Variants in TMEM167A observed in about 807,000 individuals in gnomAD.
The protein encoded by TMEM167A is protein kish-A.
TMEM167A carries 8 observed loss-of-function variants against 11.6 expected under a neutral mutation model. The observed-to-expected ratio is 0.69, with a 90% CI of 0.40 to 1.24. The LOEUF is 1.24. TMEM167A is among the 50% of genes most tolerant of loss of function. The pLI, the probability that TMEM167A is intolerant of heterozygous loss-of-function variation, is 0.01. For missense variants in TMEM167A, 62 were observed against 87.0 expected (o/e 0.71, Z 1.14); for synonymous variants, 22 against 28.0 (o/e 0.79, Z 0.67).
chr5:83,060,085 T>C (rs1053938714), intron 3 of TMEM167A, among the ~76,000 whole-genome samples: 2 of 151,940 alleles, frequency 1.3e-5, no homozygotes, highest in Admixed American at 1.3e-4. Flanking sequence ...AGTTTGTATT[T>C]TTCAATCTCA....
chr5:83,057,244 A>G, intron 3 of TMEM167A, 90 bp from the exon 4 acceptor site: 1 of 1,271,810 alleles, frequency 7.9e-7, no homozygotes, highest in South Asian at 1.2e-5. Flanking sequence ...TCAAGATAAC[A>G]TTCTTCCCTA....
chr5:83,064,353 A>T (rs1744450054), intron 2 of TMEM167A: 1 of 518,130 alleles, frequency 1.9e-6, no homozygotes, highest in Non-Finnish European at 3.9e-6. Context: ...TTGCTTTTGA[A>T]GAAGAATTTT....
chr5:83,071,079 G>A (rs1053299007), intron 1 of TMEM167A, among the ~76,000 whole-genome samples: 1 of 152,052 alleles, frequency 6.6e-6, no homozygotes, highest in Non-Finnish European at 1.5e-5. Context: ...CTTAATGACT[G>A]GTTATTAAGC....
In TMEM167A at chr5:83,077,392, T is replaced by A; in HGVS notation, c.-69A>T. ...CAGGCGGAAGAGGCTGCATGTCCCG[T>A]CTGCCCTTCTCGCCCTCTCCAGCCG... On this transcript the variant is annotated 5_prime_UTR_variant, in exon 1 of 4. Transcript: ENST00000502346. 6.2e-7 allele frequency: 1 copy of A among 1,611,946 alleles called. No homozygotes were observed. Among genetic ancestry groups the A allele is most frequent in the Non-Finnish European group, 8.5e-7 (1 of 1,178,094 alleles).
chr5:83,062,103 A>T (rs1169449982), intron 2 of TMEM167A, 192 bp from the exon 3 acceptor site: 2 of 516,654 alleles, frequency 3.9e-6, no homozygotes, highest in Non-Finnish European at 3.5e-6. Flanking sequence ...TGACATATCA[A>T]CCATCAATGT....
At chr5:83,062,020 A>G in intron 2 of TMEM167A, 109 bp from the exon 3 acceptor site, 2 of 877,236 alleles carry the variant, frequency 2.3e-6, no homozygotes, top group Non-Finnish European at 3.5e-6. Context: ...ATTAACCTTT[A>G]ACACTTTGCT....
chr5:83,066,307 G>A (rs1028943747), intron 1 of TMEM167A, among the ~76,000 whole-genome samples: 1 of 152,108 alleles, frequency 6.6e-6, no homozygotes, highest in African/African-American at 2.4e-5. Flanking sequence ...AATCAGGAAT[G>A]AAACAAAGAA....
intron 1 of TMEM167A, among the ~76,000 whole-genome samples, chr5:83,071,208 A>G (rs1744554318): frequency 6.6e-6 from 1 of 152,180 alleles, no homozygotes; most frequent in Admixed American, 6.5e-5. Context: ...TTTATACATA[A>G]CACTGTGTTG....
Position 83,064,439 on chromosome 5 carries a change from G to A in TMEM167A, c.113+569C>T, listed in dbSNP as rs76242114. The A allele has an allele frequency of 3.0e-3, 1,359 of 448,332 alleles. 36 individuals are homozygous for A. The East Asian group carries it at 0.073, about 24-fold the overall frequency. The allele number at this position is 448,332 out of a possible 1,614,324, so 27.8% of individuals were successfully genotyped here. ...AGATAAACACTTAAATATCTTAGAT[G>A]GACATTATGCATTATATTAGAATTC... On this transcript the variant is annotated intron_variant, in intron 2 of 3. Coordinates refer to ENST00000502346, the MANE Select transcript of TMEM167A (RefSeq NM_174909.5).
At chr5:83,062,392 A>T (rs1561302151) in intron 2 of TMEM167A, among the ~76,000 whole-genome samples, 1 of 152,186 alleles carries the variant, frequency 6.6e-6, no homozygotes, top group Non-Finnish European at 1.5e-5. Context: ...ATGAATTCCA[A>T]TGATGGTATT....
At chr5:83,073,631 G>C (rs1029703482) in intron 1 of TMEM167A, among the ~76,000 whole-genome samples, 13 of 152,204 alleles carry the variant, frequency 8.5e-5, no homozygotes, top group Non-Finnish European at 1.3e-4. Context: ...ACTCAAACTG[G>C]GAGAGTGTAG....
intron 1 of TMEM167A, among the ~76,000 whole-genome samples, chr5:83,068,403 T>C (rs1744513890): frequency 6.6e-6 from 1 of 152,222 alleles, no homozygotes; most frequent in South Asian, 2.1e-4. Flanking sequence ...TTATTACCTG[T>C]ATTTTATACA....
intron 1 of TMEM167A, among the ~76,000 whole-genome samples, chr5:83,070,470 C>T (rs868780124): frequency 6.6e-5 from 10 of 152,188 alleles, no homozygotes; most frequent in Middle Eastern, 3.4e-3. Flanking sequence ...TTACCCAAAC[C>T]GGAAGGATAT....
chr5:83,066,474 C>T (rs1744482713), intron 1 of TMEM167A, among the ~76,000 whole-genome samples: 1 of 152,094 alleles, frequency 6.6e-6, no homozygotes, highest in Admixed American at 6.6e-5. Flanking sequence ...CAATAGCCTT[C>T]ATAATCATAT....
intron 1 of TMEM167A, among the ~76,000 whole-genome samples, chr5:83,070,372 C>T (rs1744542498): frequency 6.6e-6 from 1 of 152,148 alleles, no homozygotes; most frequent in Non-Finnish European, 1.5e-5. Context: ...TTTACTAACC[C>T]TCTGCATTGT....
At chr5:83,062,681 T>TA (rs1198683954) in intron 2 of TMEM167A, among the ~76,000 whole-genome samples, 3 of 151,966 alleles carry the variant, frequency 2.0e-5, no homozygotes, top group Admixed American at 1.3e-4. Flanking sequence ...AGAGATATCT[T>TA]AAAAAATAAC....
chr5:83,062,502 C>A (rs1449339845), intron 2 of TMEM167A, among the ~76,000 whole-genome samples: 3 of 151,870 alleles, frequency 2.0e-5, no homozygotes, highest in East Asian at 3.9e-4. Context: ...TATGTGAATT[C>A]ACTAAATATG....
chr5:83,073,529 ATAGCTGGCTATTTGCTATTTCAGTTCAG>A (rs1451929643), intron 1 of TMEM167A, among the ~76,000 whole-genome samples: 3 of 152,224 alleles, frequency 2.0e-5, no homozygotes, highest in Non-Finnish European at 4.4e-5. Context: ...AACAAGTAAG[ATAGCTGGCTATTTGCTATTTCAGTTCAG>A]TGTTGACGGT....
At chr5:83,070,469 C>G (rs778640884) in intron 1 of TMEM167A, among the ~76,000 whole-genome samples, 4 of 152,220 alleles carry the variant, frequency 2.6e-5, no homozygotes, top group Non-Finnish European at 5.9e-5. Flanking sequence ...TTTACCCAAA[C>G]CGGAAGGATA....
Sources: allele counts gnomAD v4.1 joint callset (sites outside exome capture counted in the v4.1 genomes callset), GRCh38; gene constraint gnomAD v4.1.1; transcripts MANE v1.5; gene names NCBI Gene and HGNC (gene_info 2026-07-23, HGNC 2026-07-21).